CNTN3: variants seen among roughly 807,000 people sequenced by gnomAD.
The protein encoded by CNTN3 is contactin 3.
A neutral mutation model predicts 119.1 loss-of-function variants in CNTN3; 60 were observed. The ratio of observed to expected loss-of-function variants is 0.50; its 90% CI spans 0.41 to 0.62. The LOEUF (loss-of-function observed/expected upper bound fraction) is 0.62, where lower values mean the gene tolerates loss of function less well. Among genes scored for constraint, CNTN3 ranks in the 20% least tolerant of loss-of-function variants. The probability of loss-of-function intolerance (pLI) is 0.00; values close to 1 mark genes in which losing one functional copy is unlikely to be tolerated. For synonymous variants in CNTN3, 450 were observed against 438.7 expected (o/e 1.03, Z -0.32); for missense variants, 1,101 against 1,242.4 (o/e 0.89, Z 1.71).
chr3:74,312,661 C>G (rs1426231327), intron 13 of CNTN3, among the ~76,000 whole-genome samples: 3 of 151,880 alleles, frequency 2.0e-5, no homozygotes, highest in Non-Finnish European at 4.4e-5. Flanking sequence ...ACGACTGAGA[C>G]CTACTCATAG....
chr3:74,607,217 C>T (rs916014131), intron 1 of CNTN3, among the ~76,000 whole-genome samples: 4 of 152,084 alleles, frequency 2.6e-5, no homozygotes, highest in African/African-American at 9.7e-5. Flanking sequence ...TATCTGTATT[C>T]CAGAGCTTTC....
intron 13 of CNTN3, 133 bp downstream of exon 13, chr3:74,334,602 G>A (rs1703343468): frequency 1.4e-6 from 1 of 717,062 alleles, no homozygotes; most frequent in South Asian, 2.1e-5. Context: ...AAACAGAACT[G>A]AGAACCACTC....
At chr3:74,570,497 G>GA (rs34446548) in intron 1 of CNTN3, among the ~76,000 whole-genome samples, 114,758 of 143,328 alleles carry the variant, frequency 0.8, 45,620 homozygotes, top group African/African-American at 0.83. Context: ...TTAAATGCGG[G>GA]AAAAAAAAAT....
At chr3:74,555,794 C>T (rs1290457885) in intron 1 of CNTN3, among the ~76,000 whole-genome samples, 5 of 151,910 alleles carry the variant, frequency 3.3e-5, no homozygotes, top group African/African-American at 1.2e-4. Flanking sequence ...GTATTTGATT[C>T]TTCTCTCTTT....
intron 5 of CNTN3, among the ~76,000 whole-genome samples, chr3:74,395,396 C>CAT (rs1334088974): frequency 6.6e-6 from 1 of 151,762 alleles, no homozygotes; most frequent in African/African-American, 2.4e-5. Context: ...CACACACACA[C>CAT]GACTGGAAAT....
At chr3:74,334,612 C>T in intron 13 of CNTN3, 123 bp downstream of exon 13, 1 of 848,216 alleles carries the variant, frequency 1.2e-6, no homozygotes, top group East Asian at 2.6e-5. Context: ...GAGAACCACT[C>T]AACCAAAACC....
chr3:74,614,178 C>T (rs969342510), intron 1 of CNTN3, among the ~76,000 whole-genome samples: 3 of 152,190 alleles, frequency 2.0e-5, no homozygotes, highest in Admixed American at 6.5e-5. Context: ...CTTCCCAACC[C>T]GAAACCAATC....
chr3:74,457,721 T>C (rs1702296550), intron 4 of CNTN3, among the ~76,000 whole-genome samples: 1 of 152,036 alleles, frequency 6.6e-6, no homozygotes, highest in African/African-American at 2.4e-5. Flanking sequence ...ATAAAATCCA[T>C]TAAATTTTTA....
In CNTN3 at chr3:74,415,894, T is replaced by A. The variant is rs775722322; in HGVS notation, c.454+8951A>T. 2.2e-4 allele frequency among the ~76,000 whole-genome samples: 33 copies of A among 152,192 alleles called. 1 individual carries two copies. Among genetic ancestry groups the A allele is most frequent in the East Asian group, 1.2e-3 (6 of 5,170 alleles). On this transcript the variant is annotated intron_variant, in intron 5 of 22. Transcript: ENST00000263665. ...TAGGCTTACAGGTCAAATATCAAAC[T>A]CCCAGGAGACAGCATCTGATTGGCT...
intron 4 of CNTN3, among the ~76,000 whole-genome samples, chr3:74,433,444 T>A (rs1249787268): frequency 6.6e-6 from 1 of 152,218 alleles, no homozygotes; most frequent in African/African-American, 2.4e-5. Flanking sequence ...AAGCAGAGAC[T>A]GAAGTATTTC....
At chr3:74,344,607 G>A (rs1394642536) in intron 11 of CNTN3, among the ~76,000 whole-genome samples, 1 of 151,242 alleles carries the variant, frequency 6.6e-6, no homozygotes, top group African/African-American at 2.4e-5. Flanking sequence ...ACAGGCGGCC[G>A]ACACCACGCC....
At chr3:74,379,920 T>C (rs1704573818) in intron 5 of CNTN3, among the ~76,000 whole-genome samples, 1 of 152,170 alleles carries the variant, frequency 6.6e-6, no homozygotes, top group South Asian at 2.1e-4. Flanking sequence ...GAATGCGACA[T>C]AGTGAGAGCT....
intron 13 of CNTN3, among the ~76,000 whole-genome samples, chr3:74,331,797 A>G (rs1380688878): frequency 6.6e-6 from 1 of 152,200 alleles, no homozygotes; most frequent in Non-Finnish European, 1.5e-5. Flanking sequence ...ACTTAGTTTC[A>G]TAAAGCTTTT....
chr3:74,265,657 T>A (rs532071611), intron 22 of CNTN3, among the ~76,000 whole-genome samples: 25 of 152,262 alleles, frequency 1.6e-4, no homozygotes, highest in Admixed American at 1.6e-3. Context: ...CTCTAAGTTT[T>A]CTATTTCCGT....
In CNTN3 at chr3:74,354,661, A is replaced by G. The variant is rs148824335; in HGVS notation, c.1364+7229T>C. 5.4e-4 allele frequency among the ~76,000 whole-genome samples: 82 copies of G among 152,230 alleles called. 2 individuals carry two copies. Among genetic ancestry groups the G allele is most frequent in the African/African-American group, 1.8e-3 (76 of 41,484 alleles). On this transcript the variant is annotated intron_variant, in intron 11 of 22. Coordinates refer to ENST00000263665, the MANE Select transcript of CNTN3 (RefSeq NM_020872.3). ...AAAATGTTTCTTGCTGCAGGGAGAA[A>G]AAAAGCACAATAACTTTACCCAATA... is the stretch of plus-strand genomic sequence containing the variant.
At chr3:74,365,051 A>T (rs1206842298) in intron 9 of CNTN3, among the ~76,000 whole-genome samples, 1 of 152,172 alleles carries the variant, frequency 6.6e-6, no homozygotes, top group Non-Finnish European at 1.5e-5. Context: ...TATTTACCAG[A>T]GTTTCTAGGT....
intron 3 of CNTN3, among the ~76,000 whole-genome samples, chr3:74,496,178 A>G (rs1318181849): frequency 6.6e-6 from 1 of 152,156 alleles, no homozygotes. Flanking sequence ...GAGCTAGACT[A>G]AAAGTTGGAA....
intron 4 of CNTN3, among the ~76,000 whole-genome samples, chr3:74,469,002 CAATT>C (rs1357062736): frequency 6.6e-6 from 1 of 151,862 alleles, no homozygotes; most frequent in Non-Finnish European, 1.5e-5. Context: ...GGGAAAATCT[CAATT>C]AAAAAAAAGA....
At chr3:74,522,206 T>C (rs1703553219) in intron 1 of CNTN3, among the ~76,000 whole-genome samples, 1 of 151,918 alleles carries the variant, frequency 6.6e-6, no homozygotes, top group African/African-American at 2.4e-5. Context: ...TAAAATAATA[T>C]GTTAAGTCAT....
Sources: allele counts gnomAD v4.1 joint callset (sites outside exome capture counted in the v4.1 genomes callset), GRCh38; gene constraint gnomAD v4.1.1; transcripts MANE v1.5; gene names NCBI Gene and HGNC (gene_info 2026-07-23, HGNC 2026-07-21).